NSG1: variants seen among roughly 807,000 people sequenced by gnomAD.
NSG1 encodes the protein neuronal vesicle trafficking-associated protein 1.
Under a neutral mutation model 19.3 loss-of-function variants are expected in NSG1, and 9 were observed. The observed-to-expected ratio is 0.47, with a 90% CI of 0.28 to 0.81. The LOEUF (loss-of-function observed/expected upper bound fraction) is 0.81, where lower values mean the gene tolerates loss of function less well. Ranked by LOEUF, NSG1 falls within the 40% of genes least tolerant of loss-of-function variation. NSG1 has a pLI of 0.11. For missense variants in NSG1, 236 were observed against 242.4 expected (o/e 0.97, Z 0.18); for synonymous variants, 104 against 107.0 (o/e 0.97, Z 0.17).
intron 3 of NSG1, among the ~76,000 whole-genome samples, chr4:4,392,200 C>T (rs745936626): frequency 1.4e-4 from 21 of 148,694 alleles, no homozygotes; most frequent in Non-Finnish European, 2.1e-4. Flanking sequence ...CTGCTGAGAG[C>T]GGGAGGGTTC....
rs1161754574 is a variant in NSG1 at position 4,402,371 on chromosome 4, A to ATTTTTT, written c.247-7173_247-7168dup. The stretch of plus-strand genomic sequence containing the variant: ...TAGACACGCAGCACCACGCCTGGTT[A>ATTTTTT]TTTTTTTTTTTTTTTTTTTTTTTTT... On this transcript the variant is annotated intron_variant, in intron 3 of 4. Coordinates refer to ENST00000621129, the MANE Select transcript of NSG1 (RefSeq NM_014392.5). 1.7e-3 allele frequency among the ~76,000 whole-genome samples: 90 copies of ATTTTTT among 53,948 alleles called. 16 individuals are homozygous for ATTTTTT. The highest frequency in any genetic ancestry group is 4.3e-3 in the African/African-American group (71 of 16,508). 35.4% of individuals were successfully genotyped at this position (53,948 alleles called of 152,430 possible). A position where few individuals can be genotyped will look rare whatever the true frequency, so the allele number is the denominator to read the frequency against.
chr4:4,404,202 C>T (rs182720006), intron 3 of NSG1, among the ~76,000 whole-genome samples: 9 of 152,342 alleles, frequency 5.9e-5, no homozygotes, highest in Non-Finnish European at 8.8e-5. Context: ...GGAGGTGCTG[C>T]CTTTTCAATG....
chr4:4,386,835 G>A (rs901084966), upstream of NSG1: 1 of 152,196 alleles, frequency 6.6e-6, no homozygotes. Flanking sequence ...CCCCCTGGGG[G>A]CGCGTCCTCT....
intron 4 of NSG1, chr4:4,416,181 A>G: frequency 1.4e-6 from 1 of 702,250 alleles, no homozygotes; most frequent in Non-Finnish European, 2.6e-6. Flanking sequence ...TGAGAGAGAA[A>G]ACACTCCGCA....
intron 3 of NSG1, among the ~76,000 whole-genome samples, chr4:4,403,332 G>A (rs988333852): frequency 1.3e-5 from 2 of 152,196 alleles, no homozygotes; most frequent in Non-Finnish European, 2.9e-5. Context: ...GGGGTGTGCC[G>A]GGCCCTGCTC....
At chr4:4,410,384 C>T (rs183322911) in intron 4 of NSG1, among the ~76,000 whole-genome samples, 11 of 152,340 alleles carry the variant, frequency 7.2e-5, no homozygotes, top group African/African-American at 1.9e-4. Flanking sequence ...CACTTAGTGA[C>T]GGGAATACGT....
At position 4,417,155 on chromosome 4, in the gene NSG1, AACTGTTGGCTGCCAACTGGAGACAC is replaced by A. The variant is rs1724594896; in HGVS notation, c.358-75_358-51del. 82 of 1,202,348 alleles carry A rather than the reference AACTGTTGGCTGCCAACTGGAGACAC, an allele frequency of 6.8e-5. No homozygotes were observed. The South Asian group carries it at 9.6e-4, about 14-fold the overall frequency. 74.5% of individuals were successfully genotyped at this position (1,202,348 alleles called of 1,614,324 possible). On this transcript the variant is annotated intron_variant, in intron 4 of 4. Transcript: ENST00000621129. ...TCCAAGCTCAGGGAAGGTGCTCAGTAACTGTTGGCTGCCAACTGGAGACACACTGGCACCCCCTCTTGCACCGACG... is the reference window on the plus strand; with the variant it reads ...TCCAAGCTCAGGGAAGGTGCTCAGTAACTGGCACCCCCTCTTGCACCGACG...
intron 3 of NSG1, among the ~76,000 whole-genome samples, chr4:4,405,026 A>C (rs1723776379): frequency 6.6e-6 from 1 of 152,160 alleles, no homozygotes; most frequent in Admixed American, 6.5e-5. Flanking sequence ...GCCCTATAAC[A>C]AAGTACCACA....
intron 3 of NSG1, among the ~76,000 whole-genome samples, chr4:4,403,781 T>G (rs1032648617): frequency 2.0e-5 from 3 of 152,168 alleles, no homozygotes; most frequent in African/African-American, 7.2e-5. Context: ...AGGTGTTGTG[T>G]TAGGAGTACG....
intron 3 of NSG1, among the ~76,000 whole-genome samples, chr4:4,408,346 C>T (rs780104581): frequency 1.4e-4 from 22 of 152,184 alleles, no homozygotes; most frequent in Non-Finnish European, 2.5e-4. Flanking sequence ...CATACGATTA[C>T]GGAGGCCCTG....
chr4:4,406,936 T>C (rs1201834150), intron 3 of NSG1, among the ~76,000 whole-genome samples: 1 of 152,186 alleles, frequency 6.6e-6, no homozygotes, highest in Non-Finnish European at 1.5e-5. Flanking sequence ...CTGCGCCTTC[T>C]TTCTCCGGCC....
intron 3 of NSG1, among the ~76,000 whole-genome samples, chr4:4,398,082 G>A (rs1560141499): frequency 1.3e-5 from 2 of 152,096 alleles, no homozygotes; most frequent in Admixed American, 6.6e-5. Flanking sequence ...AGCCTCCTAA[G>A]TAGCTGGTAT....
intron 3 of NSG1, among the ~76,000 whole-genome samples, chr4:4,402,371 A>ATTTTTTTTTTTTTTTTTT (rs1161754574): frequency 1.9e-5 from 1 of 53,912 alleles, no homozygotes; most frequent in African/African-American, 6.1e-5. Flanking sequence ...ACGCCTGGTT[A>ATTTTTTTTTTTTTTTTTT]TTTTTTTTTT....
At chr4:4,416,619 T>G (rs1724560222) in intron 4 of NSG1, among the ~76,000 whole-genome samples, 1 of 152,154 alleles carries the variant, frequency 6.6e-6, no homozygotes, top group Non-Finnish European at 1.5e-5. Flanking sequence ...AGAATCCGCT[T>G]CCTGATAAAC....
chr4:4,409,818 C>T, intron 4 of NSG1, 135 bp downstream of exon 4: 1 of 700,446 alleles, frequency 1.4e-6, no homozygotes, highest in Non-Finnish European at 2.5e-6. Flanking sequence ...GGGCCAGTGT[C>T]AGGAGTGTCC....
intron 3 of NSG1, among the ~76,000 whole-genome samples, chr4:4,397,039 C>CTG (rs61613589): frequency 0.037 from 5,565 of 150,096 alleles, 111 homozygotes; most frequent in Non-Finnish European, 0.048. Context: ...GTTCAGTCAT[C>CTG]TGTGTGTGTG....
intron 4 of NSG1, among the ~76,000 whole-genome samples, chr4:4,413,785 G>A (rs576928043): frequency 6.6e-6 from 1 of 152,154 alleles, no homozygotes; most frequent in Admixed American, 6.5e-5. Flanking sequence ...GAGAGACGGG[G>A]CAGTGAGATG....
At chr4:4,411,778 CAAAACAAAACAAAACAT>C (rs1724209415) in intron 4 of NSG1, among the ~76,000 whole-genome samples, 2 of 131,578 alleles carry the variant, frequency 1.5e-5, no homozygotes, top group Admixed American at 7.0e-5. Context: ...CAAAACAAAA[CAAAACAAAACAAAACAT>C]TGCCTTCTTC....
intron 3 of NSG1, among the ~76,000 whole-genome samples, chr4:4,393,220 C>T (rs1723087766): frequency 6.6e-6 from 1 of 152,204 alleles, no homozygotes; most frequent in Admixed American, 6.5e-5. Context: ...TTTTAGGTCC[C>T]CACAGAGCAG....
Sources: allele counts gnomAD v4.1 joint callset (sites outside exome capture counted in the v4.1 genomes callset), GRCh38; gene constraint gnomAD v4.1.1; transcripts MANE v1.5; gene names NCBI Gene and HGNC (gene_info 2026-07-23, HGNC 2026-07-21).